The following DLC1 variants were observed in gnomAD, a reference collection of about 807,000 sequenced individuals.
DLC1 encodes the protein DLC1 Rho GTPase activating protein.
DLC1 carries 54 observed loss-of-function variants against 140.3 expected under a neutral mutation model. That is an observed-to-expected ratio of 0.38 (90% confidence interval 0.31 to 0.48). DLC1 has a LOEUF of 0.48. Among genes scored for constraint, DLC1 ranks in the 20% least tolerant of loss-of-function variants. The pLI, the probability that DLC1 is intolerant of heterozygous loss-of-function variation, is 0.96. For missense variants in DLC1, 2,536 were observed against 1,907.0 expected (o/e 1.33, Z -6.14); for synonymous variants, 986 against 728.1 (o/e 1.35, Z -5.70).
intron 4 of DLC1, among the ~76,000 whole-genome samples, chr8:13,352,846 C>G (rs1472007796): frequency 6.6e-6 from 1 of 152,068 alleles, no homozygotes; most frequent in East Asian, 1.9e-4. Flanking sequence ...ATACTGAATG[C>G]ACACCTACCA....
At chr8:13,109,199 C>G (rs181081788) in intron 7 of DLC1, among the ~76,000 whole-genome samples, 5 of 152,240 alleles carry the variant, frequency 3.3e-5, no homozygotes, top group Non-Finnish European at 7.4e-5. Flanking sequence ...CACTGCTTTC[C>G]TTGCCTACAA....
At chr8:13,493,401 T>C (rs557165899) in intron 2 of DLC1, among the ~76,000 whole-genome samples, 1 of 152,316 alleles carries the variant, frequency 6.6e-6, no homozygotes, top group South Asian at 2.1e-4. Context: ...TTTTAATTTA[T>C]CTTTTTAATT....
intron 15 of DLC1, 166 bp from the exon 16 acceptor site, chr8:13,088,870 C>T: frequency 3.5e-6 from 2 of 572,908 alleles, no homozygotes; most frequent in South Asian, 2.7e-5. Context: ...ATATTGGGGG[C>T]TAATAAATCT....
chr8:13,162,583 A>G (rs1028316829), intron 5 of DLC1, among the ~76,000 whole-genome samples: 2 of 152,118 alleles, frequency 1.3e-5, no homozygotes, highest in African/African-American at 4.8e-5. Flanking sequence ...TCAGCCTCCC[A>G]AAGTGCTAGG....
chr8:13,143,846 G>GAGAGAGAGAGAGAC (rs1476183797), intron 5 of DLC1, among the ~76,000 whole-genome samples: 60 of 148,374 alleles, frequency 4.0e-4, no homozygotes, highest in Non-Finnish European at 5.1e-4. Context: ...GAGAGAGAGA[G>GAGAGAGAGAGAGAC]AGAGAGACAT....
chr8:13,577,027 C>G (rs1334925777), intron 1 of DLC1, among the ~76,000 whole-genome samples: 1 of 152,192 alleles, frequency 6.6e-6, no homozygotes, highest in African/African-American at 2.4e-5. Flanking sequence ...AATCTACTGA[C>G]TCTGTGTTGG....
intron 4 of DLC1, among the ~76,000 whole-genome samples, chr8:13,383,423 A>T (rs182478968): frequency 1.3e-5 from 2 of 152,254 alleles, no homozygotes; most frequent in East Asian, 3.9e-4. Context: ...TGCACCTGAG[A>T]CCTGCAGCGT....
At chr8:13,100,817 G>T (rs1238526313) in intron 8 of DLC1, 47 bp from the exon 9 acceptor site, 1 of 1,515,734 alleles carries the variant, frequency 6.6e-7, no homozygotes, top group Non-Finnish European at 8.8e-7. Context: ...CTGGCAGCCA[G>T]CAGGGAGCAG....
chr8:13,206,128 G>C (rs574135433), intron 5 of DLC1, among the ~76,000 whole-genome samples: 12 of 152,258 alleles, frequency 7.9e-5, no homozygotes, highest in African/African-American at 2.9e-4. Flanking sequence ...GTGATGTTTA[G>C]TTATGTAACA....
At chr8:13,503,775 T>C (rs1801926355) in intron 1 of DLC1, among the ~76,000 whole-genome samples, 1 of 152,210 alleles carries the variant, frequency 6.6e-6, no homozygotes, top group Non-Finnish European at 1.5e-5. Flanking sequence ...AATTGTATAG[T>C]CTACCTTTGC....
Position 13,114,894 on chromosome 8 carries a change from T to C in DLC1, c.1420+692A>G, listed in dbSNP as rs563353410. The stretch of plus-strand genomic sequence containing the variant: ...ATACACAGATTGGTAAGAGTGAAAA[T>C]TGGTACGGGCACTTTCGAAAAGCTT... On this transcript the variant is annotated intron_variant, in intron 6 of 17. Transcript: ENST00000276297. Among the ~76,000 whole-genome samples the C allele has an allele frequency of 2.8e-4, 42 of 152,288 alleles. No individual in the cohort carries two copies. In the South Asian group the frequency reaches 8.3e-3, roughly 30 times the overall value.
At chr8:13,307,709 A>T (rs1832505620) in intron 4 of DLC1, among the ~76,000 whole-genome samples, 1 of 152,238 alleles carries the variant, frequency 6.6e-6, no homozygotes. Context: ...GCTAGTGCTT[A>T]CTGGGTGCTT....
At chr8:13,335,341 TA>T (rs1833775491) in intron 4 of DLC1, among the ~76,000 whole-genome samples, 2 of 152,186 alleles carry the variant, frequency 1.3e-5, no homozygotes, top group Admixed American at 1.3e-4. Flanking sequence ...ACTACTTTTT[TA>T]AATTTTAAGA....
intron 1 of DLC1, among the ~76,000 whole-genome samples, chr8:13,519,935 G>A (rs763920517): frequency 3.3e-5 from 5 of 152,156 alleles, no homozygotes; most frequent in African/African-American, 4.8e-5. Flanking sequence ...ACCATTTCAT[G>A]CCAGTTAGAA....
intron 5 of DLC1, among the ~76,000 whole-genome samples, chr8:13,197,846 C>A (rs115134845): frequency 0.01 from 1,585 of 151,878 alleles, 22 homozygotes; most frequent in African/African-American, 0.035. Flanking sequence ...CAAAATACAC[C>A]CTATTGGAGA....
chr8:13,474,436 T>G (rs975542111), intron 2 of DLC1, among the ~76,000 whole-genome samples: 36 of 152,100 alleles, frequency 2.4e-4, no homozygotes, highest in Admixed American at 2.2e-3. Context: ...AGAAGGAAAA[T>G]GTGGGGTCAG....
At chr8:13,537,892 G>C (rs7829933) in intron 1 of DLC1, among the ~76,000 whole-genome samples, 106,528 of 151,678 alleles carry the variant, frequency 0.7, 38,374 homozygotes, top group Non-Finnish European at 0.79. Flanking sequence ...CTGACCTCGT[G>C]ATCCGCCCAC....
chr8:13,603,195 T>C (rs17094707), intron 1 of DLC1, among the ~76,000 whole-genome samples: 27,677 of 151,846 alleles, frequency 0.18, 2,924 homozygotes, highest in African/African-American at 0.3. Context: ...CATCCATTTC[T>C]ATGTAGTGTT....
chr8:13,579,315 TTATATATATATATATA>T lies in DLC1; in HGVS notation c.-126+25206_-126+25221del, dbSNP rs369773134. On this transcript the variant is annotated intron_variant, in intron 1 of 1. Transcript: ENST00000631382. The stretch of plus-strand genomic sequence containing the variant: ...AAAGTCAGATACCACAGGTCTGACT[TTATATATATATATATA>T]TATATATATATATATATATATATAT... 1.1e-3 allele frequency among the ~76,000 whole-genome samples: 12 copies of T among 10,668 alleles called. 1 individual carries two copies. The highest frequency in any genetic ancestry group is 1.8e-3 in the Non-Finnish European group (11 of 6,084). 7.0% of individuals were successfully genotyped at this position (10,668 alleles called of 152,430 possible).
Sources: allele counts gnomAD v4.1 joint callset (sites outside exome capture counted in the v4.1 genomes callset), GRCh38; gene constraint gnomAD v4.1.1; transcripts MANE v1.5; gene names NCBI Gene and HGNC (gene_info 2026-07-23, HGNC 2026-07-21).